Variants in MAPK14 observed in about 807,000 individuals in gnomAD.
MAPK14 encodes the protein CSAID-binding protein.
In MAPK14, 16 loss-of-function variants were observed where a neutral mutation model predicts 49.6. The ratio of observed to expected loss-of-function variants is 0.32; its 90% CI spans 0.22 to 0.49. The LOEUF is 0.49. Ranked by LOEUF, MAPK14 falls within the 20% of genes least tolerant of loss-of-function variation. The pLI is 0.99. For synonymous variants in MAPK14, 142 were observed against 158.0 expected (o/e 0.90, Z 0.76); for missense variants, 200 against 441.2 (o/e 0.45, Z 4.90).
intron 5 of MAPK14, 80 bp from the exon 6 acceptor site, chr6:36,073,969 G>T (rs1425084388): frequency 9.2e-7 from 1 of 1,083,382 alleles, no homozygotes; most frequent in Non-Finnish European, 1.4e-6. Context: ...TTTATGTCTG[G>T]ATCCTCATTA....
the MAPK14 span, among the ~76,000 whole-genome samples, chr6:36,117,741 GTAAATGCTAAAT>G: frequency 6.6e-6 from 1 of 152,238 alleles, no homozygotes; most frequent in African/African-American, 2.4e-5. Flanking sequence ...TGAGTATACA[GTAAATGCTAAAT>G]ACTGGCTTAA....
chr6:36,089,856 A>G (rs116248372), intron 8 of MAPK14, among the ~76,000 whole-genome samples: 8 of 152,228 alleles, frequency 5.3e-5, no homozygotes, highest in African/African-American at 9.6e-5. Context: ...TCTGTTACCA[A>G]CGCTTAACAC....
the MAPK14 span, among the ~76,000 whole-genome samples, chr6:36,118,768 AC>A: frequency 2.1e-4 from 32 of 152,348 alleles, no homozygotes; most frequent in Non-Finnish European, 4.3e-4. Flanking sequence ...ATGGTTGCTG[AC>A]ACAGTGCTTG....
chr6:36,102,646 C>A lies in MAPK14; in HGVS notation c.838C>A (p.Leu280Met). ...GAATGTATTTATTGGTGCCAATCCC[C>A]TGGGTAAGTTGACCATATATCCTCA... ...FANVFIGANP[L>M]AVDLLEKMLV... is the part of the protein sequence containing the mutation. Residue 280 changes from leucine (L) to methionine (M), a missense_variant, in exon 10 of 12, where the codon CTG becomes ATG. Coordinates refer to ENST00000229794, the MANE Select transcript of MAPK14 (RefSeq NM_139012.3). 6.2e-7 allele frequency: 1 copy of A among 1,613,788 alleles called. No homozygotes were observed. The highest frequency in any genetic ancestry group is 8.5e-7 in the Non-Finnish European group (1 of 1,179,722).
chr6:36,091,129 A>G (rs1242624849), intron 8 of MAPK14, among the ~76,000 whole-genome samples: 1 of 152,044 alleles, frequency 6.6e-6, no homozygotes, highest in East Asian at 1.9e-4. Flanking sequence ...TGGTCCTTTT[A>G]TTTATCTTCA....
At chr6:36,071,900 TCC>T (rs1355918760) in intron 3 of MAPK14, among the ~76,000 whole-genome samples, 2 of 152,158 alleles carry the variant, frequency 1.3e-5, no homozygotes, top group Admixed American at 1.3e-4. Context: ...AGATGGGGTT[TCC>T]CTGTGTTACC....
At chr6:36,039,638 A>G (rs1369575366) in intron 1 of MAPK14, among the ~76,000 whole-genome samples, 9 of 152,284 alleles carry the variant, frequency 5.9e-5, no homozygotes, top group South Asian at 2.1e-4. Flanking sequence ...CATTAATTTA[A>G]TATTTCCAGT....
intron 1 of MAPK14, among the ~76,000 whole-genome samples, chr6:36,031,164 G>A (rs890240778): frequency 2.0e-5 from 3 of 150,984 alleles, no homozygotes; most frequent in Non-Finnish European, 4.4e-5. Context: ...ACAGGTGCCC[G>A]CCACCATACC....
intron 8 of MAPK14, among the ~76,000 whole-genome samples, chr6:36,094,076 C>G (rs903182263): frequency 2.0e-5 from 3 of 152,160 alleles, no homozygotes; most frequent in Non-Finnish European, 2.9e-5. Context: ...ACCCCCATTC[C>G]TACTCTGTCC....
intron 1 of MAPK14, among the ~76,000 whole-genome samples, chr6:36,043,268 C>CT (rs1408691122): frequency 6.6e-6 from 1 of 152,044 alleles, no homozygotes; most frequent in African/African-American, 2.4e-5. Context: ...GATATTAAAG[C>CT]TAATGTTTTA....
chr6:36,057,739 G>A (rs745727163), intron 2 of MAPK14, among the ~76,000 whole-genome samples: 1 of 151,988 alleles, frequency 6.6e-6, no homozygotes, highest in African/African-American at 2.4e-5. Context: ...AAAAAAGTCT[G>A]ATATTTGGAT....
downstream of MAPK14, among the ~76,000 whole-genome samples, chr6:36,112,643 G>C (rs1298083310): frequency 1.3e-5 from 2 of 152,112 alleles, no homozygotes; most frequent in Non-Finnish European, 2.9e-5. Context: ...TTGATATTTT[G>C]ATATTCACAT....
chr6:36,115,927 CAAAA>C (rs60613902), downstream of MAPK14, among the ~76,000 whole-genome samples: 4 of 106,350 alleles, frequency 3.8e-5, no homozygotes, highest in African/African-American at 7.7e-5. Flanking sequence ...GACTCCGTCT[CAAAA>C]AAAAAAAAAA....
At position 36,110,129 on chromosome 6, in the gene MAPK14, T is replaced by C. The variant is rs1261264859; in HGVS notation, c.*1682T>C. The C allele has an allele frequency of 6.6e-6, 1 of 152,242 alleles. No homozygotes were observed. Among genetic ancestry groups the C allele is most frequent in the African/African-American group, 2.4e-5 (1 of 41,464 alleles). 9.4% of individuals were successfully genotyped at this position (152,242 alleles called of 1,614,324 possible). A position where few individuals can be genotyped will look rare whatever the true frequency, so the allele number is the denominator to read the frequency against. On this transcript the variant is annotated 3_prime_UTR_variant, in exon 12 of 12. Transcript: ENST00000229794. ...ATTTTGTTCTACATGAGGACTCATA[T>C]ATTTAAGCCTTTTGTGTAATAAGAA...
rs1764539798 is a variant in MAPK14 at position 36,076,557 on chromosome 6, T to C, written c.631T>C (p.Cys211Arg). Reference sequence around the variant, plus strand: ...GCCAGTTGATATTTGGTCAGTGGGATGCATAATGGCCGAGCTGTTGACTGG... The same window carrying C: ...GCCAGTTGATATTTGGTCAGTGGGACGCATAATGGCCGAGCTGTTGACTGG... ...NQTVDIWSVG[C>R]IMAELLTGRT... The change falls in exon 8 of 12, where the codon TGC (cysteine) becomes CGC (arginine). Residue 211 changes from cysteine to arginine, a missense_variant. This residue lies in a region of MAPK14 where 170 missense variants were observed against 407.0 expected (regional missense o/e 0.42). Coordinates refer to ENST00000229794, the MANE Select transcript of MAPK14 (RefSeq NM_139012.3). 6.2e-7 allele frequency: 1 copy of C among 1,613,734 alleles called. No homozygotes were observed. The highest frequency in any genetic ancestry group is 1.3e-5 in the African/African-American group (1 of 74,924).
At chr6:36,070,859 TA>T (rs1446743826) in intron 3 of MAPK14, among the ~76,000 whole-genome samples, 3 of 152,152 alleles carry the variant, frequency 2.0e-5, no homozygotes, top group Non-Finnish European at 4.4e-5. Flanking sequence ...TTTATTCTTA[TA>T]ATATATTAAT....
At position 36,028,552 on chromosome 6, in the gene MAPK14, C is replaced by G. The variant is rs968806013; in HGVS notation, c.116+279C>G. 6.6e-6 allele frequency among the ~76,000 whole-genome samples: 1 copy of G among 152,214 alleles called. No individual in the cohort carries two copies. Among genetic ancestry groups the G allele is most frequent in the Non-Finnish European group, 1.5e-5 (1 of 68,036 alleles). On this transcript the variant is annotated intron_variant, in intron 1 of 11. Coordinates refer to ENST00000229794, the MANE Select transcript of MAPK14 (RefSeq NM_139012.3). The surrounding 1 kb of genome is among the most constrained non-coding windows in gnomAD (Gnocchi z 5.1). Reference sequence around the variant, plus strand: ...TGGCTAGCACCCTGCGCCTTCCCCTCTCGGAGGGTTGCTGCTCGGCAACAG... The same window carrying G: ...TGGCTAGCACCCTGCGCCTTCCCCTGTCGGAGGGTTGCTGCTCGGCAACAG...
chr6:36,059,434 T>G (rs914901833), intron 3 of MAPK14, 87 bp downstream of exon 3: 2 of 960,928 alleles, frequency 2.1e-6, no homozygotes, highest in Admixed American at 1.9e-5. Context: ...TAGCAACATA[T>G]AGACTTCAAA....
chr6:36,103,953 A>G (rs1362957146), intron 10 of MAPK14, among the ~76,000 whole-genome samples: 2 of 152,092 alleles, frequency 1.3e-5, no homozygotes, highest in Non-Finnish European at 2.9e-5. Flanking sequence ...GTTTAGTTTT[A>G]TCTTTTTGAG....
Sources: allele counts gnomAD v4.1 joint callset (sites outside exome capture counted in the v4.1 genomes callset), GRCh38; gene constraint gnomAD v4.1.1; regional missense constraint gnomAD v4.1.1; non-coding constraint Gnocchi (gnomAD v3.1); transcripts MANE v1.5; gene names NCBI Gene and HGNC (gene_info 2026-07-23, HGNC 2026-07-21).